RNF212B: variants seen among roughly 807,000 people sequenced by gnomAD.
RNF212B encodes the protein E3 ubiquitin-protein ligase RNF212B.
A neutral mutation model predicts 55.5 loss-of-function variants in RNF212B; 52 were observed. The ratio of observed to expected loss-of-function variants is 0.94; its 90% CI spans 0.75 to 1.18. RNF212B has a LOEUF of 1.18. Among genes scored for constraint, RNF212B ranks in the 50% most tolerant of loss-of-function variants. The pLI, the probability that RNF212B is intolerant of heterozygous loss-of-function variation, is 0.00. For synonymous variants in RNF212B, 99 were observed against 121.4 expected (o/e 0.82, Z 1.21); for missense variants, 289 against 350.4 (o/e 0.82, Z 1.40).
intron 1 of RNF212B, among the ~76,000 whole-genome samples, chr14:23,186,357 T>G (rs1232980553): frequency 6.6e-6 from 1 of 152,014 alleles, no homozygotes; most frequent in East Asian, 1.9e-4. Flanking sequence ...TTTTTTTTTT[T>G]TTTGAGAAGG....
intron 2 of RNF212B, among the ~76,000 whole-genome samples, chr14:23,206,999 T>TAC (rs983442502): frequency 2.0e-5 from 3 of 151,858 alleles, no homozygotes; most frequent in Admixed American, 6.6e-5. Context: ...CATGCACACA[T>TAC]ACACACACAC....
In RNF212B at chr14:23,272,995, C is replaced by T. The variant is rs1200127484; in HGVS notation, c.*104C>T. The T allele has an allele frequency of 3.1e-6, 2 of 648,242 alleles. No individual in the cohort carries two copies. Among genetic ancestry groups the T allele is most frequent in the East Asian group, 6.0e-5 (2 of 33,348 alleles). 40.2% of individuals were successfully genotyped at this position (648,242 alleles called of 1,614,324 possible). The stretch of plus-strand genomic sequence containing the variant: ...TGGAAAATGTATCCCTGCATTGTTT[C>T]CTAGTTTCACTCTGTACCTTATGCT... On this transcript the variant is annotated 3_prime_UTR_variant, in exon 15 of 15. Coordinates refer to ENST00000430154, the MANE Select transcript of RNF212B (RefSeq NM_001282322.3).
At chr14:23,223,914 T>A (rs1212853042) in intron 2 of RNF212B, among the ~76,000 whole-genome samples, 1 of 152,162 alleles carries the variant, frequency 6.6e-6, no homozygotes, top group Non-Finnish European at 1.5e-5. Flanking sequence ...AAAATCAGCA[T>A]ACAAAAACCA....
chr14:23,228,787 CA>C (rs1177458526), intron 2 of RNF212B, among the ~76,000 whole-genome samples: 3 of 152,138 alleles, frequency 2.0e-5, no homozygotes, highest in African/African-American at 7.2e-5. Flanking sequence ...ACAGACAAAT[CA>C]ATCAGTGGAA....
At chr14:23,207,679 T>C (rs1879984239) in intron 2 of RNF212B, among the ~76,000 whole-genome samples, 1 of 152,160 alleles carries the variant, frequency 6.6e-6, no homozygotes, top group African/African-American at 2.4e-5. Flanking sequence ...GTTACCAAAA[T>C]GCGAATCCTG....
intron 4 of RNF212B, among the ~76,000 whole-genome samples, chr14:23,252,836 A>G (rs1884515842): frequency 6.6e-6 from 1 of 152,164 alleles, no homozygotes; most frequent in African/African-American, 2.4e-5. Flanking sequence ...GTCATATTCT[A>G]TTTATGAGAA....
At chr14:23,191,119 C>A (rs996292525) in intron 1 of RNF212B, among the ~76,000 whole-genome samples, 4 of 152,116 alleles carry the variant, frequency 2.6e-5, no homozygotes, top group Non-Finnish European at 5.9e-5. Context: ...TTTGGGAGGC[C>A]GAGGTGGGTG....
chr14:23,206,094 A>G (rs1419013241), intron 2 of RNF212B, among the ~76,000 whole-genome samples: 1 of 151,686 alleles, frequency 6.6e-6, no homozygotes, highest in Non-Finnish European at 1.5e-5. Flanking sequence ...TTTTTTTTTG[A>G]GACGGAGTCT....
At chr14:23,204,206 G>A (rs1310376011) in intron 2 of RNF212B, among the ~76,000 whole-genome samples, 3 of 152,144 alleles carry the variant, frequency 2.0e-5, no homozygotes, top group Admixed American at 6.5e-5. Flanking sequence ...TCCTTTTGCC[G>A]TGCAAAATAA....
chr14:23,231,556 A>AG (rs1882610721), intron 2 of RNF212B, among the ~76,000 whole-genome samples: 1 of 152,220 alleles, frequency 6.6e-6, no homozygotes, highest in South Asian at 2.1e-4. Context: ...AAATTTCCAG[A>AG]GGTACCCCAT....
chr14:23,240,509 G>A, intron 2 of RNF212B, 64 bp downstream of exon 2: 1 of 1,013,142 alleles, frequency 9.9e-7, no homozygotes, highest in East Asian at 2.6e-5. Context: ...GTAAGGAGTA[G>A]CCATTTCTAT....
intron 2 of RNF212B, among the ~76,000 whole-genome samples, chr14:23,216,901 A>AAAAAAC: frequency 6.6e-6 from 1 of 151,466 alleles, no homozygotes; most frequent in African/African-American, 2.4e-5. Context: ...AAAAAAAAAA[A>AAAAAAC]AAAGACCAAT....
intron 2 of RNF212B, among the ~76,000 whole-genome samples, chr14:23,224,343 T>G (rs901709500): frequency 3.3e-5 from 5 of 152,056 alleles, no homozygotes; most frequent in African/African-American, 1.2e-4. Context: ...ATTATCTGAC[T>G]TCAAATTATA....
intron 2 of RNF212B, among the ~76,000 whole-genome samples, chr14:23,223,355 G>A (rs1881731880): frequency 1.3e-5 from 2 of 148,306 alleles, no homozygotes; most frequent in South Asian, 4.2e-4. Context: ...AAAACTGAAA[G>A]CCTTTCCTTT....
intron 1 of RNF212B, among the ~76,000 whole-genome samples, chr14:23,189,618 T>C (rs1877923413): frequency 6.6e-6 from 1 of 151,690 alleles, no homozygotes; most frequent in Admixed American, 6.6e-5. Flanking sequence ...GCCTGGGCAA[T>C]ATAGCAAAAC....
At chr14:23,203,357 T>A (rs1260191356) in intron 2 of RNF212B, among the ~76,000 whole-genome samples, 1 of 152,150 alleles carries the variant, frequency 6.6e-6, no homozygotes, top group Non-Finnish European at 1.5e-5. Flanking sequence ...ATTTTGCAAT[T>A]GTGAATTGTG....
chr14:23,249,450 T>C (rs1049483489), intron 4 of RNF212B, among the ~76,000 whole-genome samples: 1 of 152,118 alleles, frequency 6.6e-6, no homozygotes, highest in Non-Finnish European at 1.5e-5. Context: ...GAGGCTGAGG[T>C]GGGAGAATTG....
intron 13 of RNF212B, 53 bp downstream of exon 13, chr14:23,270,013 A>G (rs1311116036): frequency 2.1e-6 from 2 of 967,026 alleles, no homozygotes; most frequent in Non-Finnish European, 3.2e-6. Context: ...AGACACATAT[A>G]CTAAAATGAA....
chr14:23,241,226 T>C (rs191244685), intron 2 of RNF212B, among the ~76,000 whole-genome samples: 3 of 152,266 alleles, frequency 2.0e-5, no homozygotes, highest in Non-Finnish European at 2.9e-5. Flanking sequence ...GAGAACAGCA[T>C]GTACAAAGAC....
Sources: allele counts gnomAD v4.1 joint callset (sites outside exome capture counted in the v4.1 genomes callset), GRCh38; gene constraint gnomAD v4.1.1; transcripts MANE v1.5; gene names NCBI Gene and HGNC (gene_info 2026-07-23, HGNC 2026-07-21).